SIK3: variants seen among roughly 807,000 people sequenced by gnomAD.
SIK3 encodes the protein SIK family kinase 3, also known as serine/threonine-protein kinase SIK3.
SIK3 carries 28 observed loss-of-function variants against 144.2 expected under a neutral mutation model. That is an observed-to-expected ratio of 0.19 (90% confidence interval 0.14 to 0.27). The LOEUF (loss-of-function observed/expected upper bound fraction) is 0.27. SIK3 is among the 10% of genes least tolerant of loss of function. The probability of loss-of-function intolerance (pLI) is 1.00; values close to 1 mark genes in which losing one functional copy is unlikely to be tolerated. For synonymous variants in SIK3, 686 were observed against 676.3 expected, an observed-to-expected ratio of 1.01 and a Z score of -0.22; for missense variants, 1,319 against 1,776.0, an observed-to-expected ratio of 0.74 and a Z score of 4.62.
Position 116,849,399 on chromosome 11 carries a change from A to C in SIK3, c.3656-116T>G. 1 of 1,225,324 alleles carries C rather than the reference A, an allele frequency of 8.2e-7. No homozygotes were observed. Among genetic ancestry groups the C allele is most frequent in the Non-Finnish European group, 1.1e-6 (1 of 873,462 alleles). The allele number at this position is 1,225,324 out of a possible 1,614,324, so 75.9% of individuals were successfully genotyped here. On this transcript the variant is annotated intron_variant, in intron 21 of 24. Coordinates refer to ENST00000445177, the MANE Select transcript of SIK3 (RefSeq NM_001366686.3). This position sits in a 1 kb window ranked among gnomAD's most constrained non-coding sequence, Gnocchi z 4.2. ...GGGCAAGGCTGAGGAGATCATGTAC[A>C]CCAACCGCTGATCCTCAGCCGGCGT... is the stretch of plus-strand genomic sequence containing the variant.
chr11:116,986,620 TC>T (rs1950334717), intron 1 of SIK3, among the ~76,000 whole-genome samples: 1 of 152,212 alleles, frequency 6.6e-6, no homozygotes, highest in Non-Finnish European at 1.5e-5. Flanking sequence ...TACTCTTTCT[TC>T]CCAGAAGCAG....
At position 116,996,096 on chromosome 11, in the gene SIK3, C is replaced by T. The variant is rs1293844789; in HGVS notation, c.274-39032G>A. Among the ~76,000 whole-genome samples the T allele has an allele frequency of 2.0e-5, 3 of 152,222 alleles. No individual in the cohort carries two copies. The East Asian group carries it at 5.8e-4, about 29-fold the overall frequency. On this transcript the variant is annotated intron_variant, in intron 1 of 24. Transcript: ENST00000445177. ...GCCAAGGCAGGCAGATCATTTTAGG[C>T]CAGGAGTTCGAGACCTGCCTGGCCA...
chr11:116,857,531 GA>G (rs1943019014), intron 21 of SIK3: 2 of 423,982 alleles, frequency 4.7e-6, no homozygotes, highest in Admixed American at 8.4e-5. Flanking sequence ...TGGCAGTCAG[GA>G]ATTTCTGGAT....
intron 21 of SIK3, among the ~76,000 whole-genome samples, chr11:116,850,554 C>T (rs1942346478): frequency 1.3e-5 from 2 of 152,228 alleles, no homozygotes; most frequent in Admixed American, 1.3e-4. Flanking sequence ...GACTTTGTCT[C>T]TGATTGCTCT....
chr11:117,013,902 GGGGGGGGGGGAGGGT>G (rs1156695867), intron 1 of SIK3, among the ~76,000 whole-genome samples: 2 of 60,866 alleles, frequency 3.3e-5, no homozygotes, highest in African/African-American at 1.1e-4. Flanking sequence ...GATTCTGAGG[GGGGGGGGGGGAGGGT>G]GTGTGTGTGT....
intron 3 of SIK3, among the ~76,000 whole-genome samples, chr11:116,953,743 C>A (rs1358419294): frequency 6.6e-6 from 1 of 152,214 alleles, no homozygotes; most frequent in Non-Finnish European, 1.5e-5. Flanking sequence ...TTAAAACCTG[C>A]AAACAGGAAA....
At chr11:116,912,027 C>A (rs970639891) in intron 4 of SIK3, among the ~76,000 whole-genome samples, 3 of 152,182 alleles carry the variant, frequency 2.0e-5, no homozygotes, top group Admixed American at 6.5e-5. Context: ...CTTCATGTGG[C>A]CATGGTCATT....
chr11:116,914,629 T>G (rs1272862886), intron 4 of SIK3, among the ~76,000 whole-genome samples: 2 of 152,172 alleles, frequency 1.3e-5, no homozygotes, highest in African/African-American at 2.4e-5. Context: ...CAAGCACACA[T>G]GTAACTATAT....
At chr11:116,958,007 G>A (rs1158122627) in intron 1 of SIK3, among the ~76,000 whole-genome samples, 1 of 152,080 alleles carries the variant, frequency 6.6e-6, no homozygotes, top group Non-Finnish European at 1.5e-5. Flanking sequence ...AACTTCCTCA[G>A]TGAAATACTT....
chr11:116,994,651 A>G (rs79349393), intron 1 of SIK3, among the ~76,000 whole-genome samples: 12,194 of 152,194 alleles, frequency 0.08, 630 homozygotes, highest in African/African-American at 0.13. Flanking sequence ...GACCACAATC[A>G]TATGTACTAT....
intron 3 of SIK3, among the ~76,000 whole-genome samples, chr11:116,940,665 G>A (rs1400579300): frequency 6.6e-6 from 1 of 151,788 alleles, no homozygotes; most frequent in Non-Finnish European, 1.5e-5. Context: ...TGAGGTCAAA[G>A]CACAGGTGGC....
At chr11:116,853,432 A>G (rs367869471) in intron 21 of SIK3, among the ~76,000 whole-genome samples, 1 of 152,214 alleles carries the variant, frequency 6.6e-6, no homozygotes, top group East Asian at 1.9e-4. Context: ...AACTAAAGCT[A>G]AGAGAGTGCA....
At chr11:117,048,523 G>T (rs1342368279) in intron 1 of SIK3, among the ~76,000 whole-genome samples, 1 of 152,102 alleles carries the variant, frequency 6.6e-6, no homozygotes, top group Non-Finnish European at 1.5e-5. Context: ...GGGCTTGGCG[G>T]TGCATGCCTG....
rs11602053 is a variant in SIK3, at chr11:116,959,028, A to C, written c.274-1964T>G. ...ATGCTTTCATAAATATAACAAGCTT[A>C]GAAACTTGCAGATATATCCCCATAG... On this transcript the variant is annotated intron_variant, in intron 1 of 24. Coordinates refer to ENST00000445177, the MANE Select transcript of SIK3 (RefSeq NM_001366686.3). 8.0e-3 allele frequency among the ~76,000 whole-genome samples: 1,212 copies of C among 152,344 alleles called. 15 individuals are homozygous for C. Among genetic ancestry groups the C allele is most frequent in the African/African-American group, 0.025 (1,041 of 41,580 alleles).
intron 4 of SIK3, among the ~76,000 whole-genome samples, chr11:116,917,750 A>G (rs1022020950): frequency 1.3e-5 from 2 of 150,502 alleles, no homozygotes; most frequent in African/African-American, 4.9e-5. Context: ...AGAGAGAGAG[A>G]GGAAAGAGAG....
chr11:116,911,465 G>A (rs1489679897), intron 4 of SIK3, among the ~76,000 whole-genome samples: 1 of 151,714 alleles, frequency 6.6e-6, no homozygotes, highest in Non-Finnish European at 1.5e-5. Flanking sequence ...CGAGATGGTG[G>A]CACTGAACTC....
At chr11:117,034,627 A>T (rs75470345) in intron 1 of SIK3, among the ~76,000 whole-genome samples, 2 of 152,234 alleles carry the variant, frequency 1.3e-5, no homozygotes, top group African/African-American at 4.8e-5. Flanking sequence ...GTAGTAATGT[A>T]TAAGTAATCA....
chr11:117,044,615 GA>G (rs59607640), intron 1 of SIK3, among the ~76,000 whole-genome samples: 66,617 of 133,094 alleles, frequency 0.5, 18,315 homozygotes, highest in Non-Finnish European at 0.65. Flanking sequence ...GTATCACCAA[GA>G]AAAAAAAAAA....
At chr11:117,049,420 A>T (rs1953121455) in intron 1 of SIK3, among the ~76,000 whole-genome samples, 1 of 151,364 alleles carries the variant, frequency 6.6e-6, no homozygotes, top group Non-Finnish European at 1.5e-5. Flanking sequence ...TCTACTAAAA[A>T]TACAAAAATT....
Sources: gnomAD v4.1 joint callset for allele counts (sites outside exome capture counted in the v4.1 genomes callset) on GRCh38, gnomAD v4.1.1 for gene constraint, Gnocchi (gnomAD v3.1) non-coding constraint, MANE v1.5 for transcripts, NCBI Gene and HGNC (gene_info 2026-07-23, HGNC 2026-07-21) for gene names.